The following EXOC6 variants were observed in gnomAD, a reference collection of about 807,000 sequenced individuals.
EXOC6 encodes SEC15-like 1.
In EXOC6, 60 loss-of-function variants were observed where a neutral mutation model predicts 112.5. The observed-to-expected ratio is 0.53, with a 90% confidence interval of 0.43 to 0.66. EXOC6 has a LOEUF of 0.66. Among genes scored for constraint, EXOC6 ranks in the 30% least tolerant of loss-of-function variants. EXOC6 has a pLI of 0.00. For missense variants in EXOC6, 855 were observed against 957.1 expected (o/e 0.89, Z 1.41); for synonymous variants, 295 against 308.0 (o/e 0.96, Z 0.44).
rs147970413 is a variant in EXOC6, at chr10:93,030,537, G to A, written c.2169+16270G>A. On this transcript the variant is annotated intron_variant, in intron 20 of 21. Coordinates refer to ENST00000260762, the MANE Select transcript of EXOC6 (RefSeq NM_019053.6). ...CATGAACAGTAACACAGGATTCCTTGTGAAGAATGAGAAGATTTAATTGAG... is the reference window on the plus strand; with the variant it reads ...CATGAACAGTAACACAGGATTCCTTATGAAGAATGAGAAGATTTAATTGAG... 5.8e-3 allele frequency among the ~76,000 whole-genome samples: 877 copies of A among 152,270 alleles called. 8 individuals are homozygous for A. The highest frequency in any genetic ancestry group is 0.02 in the African/African-American group (818 of 41,558).
At chr10:93,026,262 G>C (rs1367817490) in intron 20 of EXOC6, among the ~76,000 whole-genome samples, 2 of 152,172 alleles carry the variant, frequency 1.3e-5, no homozygotes, top group Admixed American at 6.5e-5. Flanking sequence ...TTACCTAGGA[G>C]TGGAATTGCT....
At chr10:93,014,305 T>C (rs374717204) in intron 20 of EXOC6, 38 bp downstream of exon 20, 1 of 1,506,416 alleles carries the variant, frequency 6.6e-7, no homozygotes, top group Non-Finnish European at 9.2e-7. Flanking sequence ...TGTTGCCCTC[T>C]AACTCTTGCC....
At chr10:92,997,682 G>A in intron 19 of EXOC6, 67 bp downstream of exon 19, 1 of 1,415,520 alleles carries the variant, frequency 7.1e-7, no homozygotes, top group Non-Finnish European at 9.5e-7. Flanking sequence ...ATGAAAAAAT[G>A]TATTTAGCAG....
chr10:92,857,117 G>C (rs1367161537), intron 1 of EXOC6, among the ~76,000 whole-genome samples: 3 of 146,918 alleles, frequency 2.0e-5, no homozygotes, highest in Non-Finnish European at 4.5e-5. Context: ...TACATAGTTG[G>C]ATTCACATCT....
chr10:92,885,635 C>T (rs1057151743), intron 1 of EXOC6, among the ~76,000 whole-genome samples: 3 of 152,186 alleles, frequency 2.0e-5, no homozygotes, highest in African/African-American at 7.2e-5. Flanking sequence ...CCTAAGCCTC[C>T]CAAAGTGCTG....
At chr10:92,913,027 T>C (rs4933752) in intron 6 of EXOC6, among the ~76,000 whole-genome samples, 118,601 of 152,090 alleles carry the variant, frequency 0.78, 47,465 homozygotes, top group East Asian at 1. Flanking sequence ...GCACATCACG[T>C]GCTTTTGGCT....
intron 6 of EXOC6, among the ~76,000 whole-genome samples, chr10:92,911,938 C>CGT (rs72368133): frequency 0.024 from 3,304 of 136,170 alleles, 82 homozygotes; most frequent in African/African-American, 0.069. Context: ...TCTCTGTGTG[C>CGT]GTGTGTGTGT....
intron 17 of EXOC6, among the ~76,000 whole-genome samples, chr10:92,971,611 G>A (rs1842300592): frequency 6.7e-6 from 1 of 150,030 alleles, no homozygotes. Flanking sequence ...CTTGACCTCA[G>A]ATAATCCACC....
chr10:92,932,672 T>C (rs1342497555), intron 9 of EXOC6, among the ~76,000 whole-genome samples: 1 of 151,820 alleles, frequency 6.6e-6, no homozygotes, highest in Non-Finnish European at 1.5e-5. Context: ...ACTAAGGAGA[T>C]CCTAAGGATA....
chr10:92,885,162 C>A (rs571283094), intron 1 of EXOC6, among the ~76,000 whole-genome samples: 1 of 152,028 alleles, frequency 6.6e-6, no homozygotes, highest in Non-Finnish European at 1.5e-5. Context: ...TCAGTTACAG[C>A]GAGTTAACTC....
intron 7 of EXOC6, among the ~76,000 whole-genome samples, chr10:92,918,981 T>G (rs922112086): frequency 6.6e-6 from 1 of 152,214 alleles, no homozygotes; most frequent in African/African-American, 2.4e-5. Context: ...GATTAGTCCC[T>G]TGAAATTATT....
chr10:92,974,705 G>A (rs1218841021), intron 18 of EXOC6, among the ~76,000 whole-genome samples: 1 of 152,202 alleles, frequency 6.6e-6, no homozygotes, highest in African/African-American at 2.4e-5. Flanking sequence ...GCCTGCGATT[G>A]CAGGCGCACG....
In EXOC6 at chr10:92,920,064, A is replaced by G. The variant is rs759436164; in HGVS notation, c.888+14A>G. On this transcript the variant is annotated intron_variant, in intron 8 of 21. Coordinates refer to ENST00000260762, the MANE Select transcript of EXOC6 (RefSeq NM_019053.6). ...TATTCTGTTTTGGTAAGTATGTTTT[A>G]TATTTATGTATATATAGCTTTATAT... The G allele has an allele frequency of 1.3e-6, 2 of 1,486,336 alleles. No homozygotes were observed. The highest frequency in any genetic ancestry group is 3.6e-5 in the Admixed American group (2 of 54,862). The allele number at this position is 1,486,336 out of a possible 1,614,324, so 92.1% of individuals were successfully genotyped here.
chr10:92,974,125 G>C lies in EXOC6; in HGVS notation c.1846G>C (p.Ala616Pro). The change falls in exon 18 of 22, where the codon GCT (alanine) becomes CCT (proline). Residue 616 changes from alanine (A) to proline (P), a missense_variant. Around this residue, in one of 2 missense-constraint regions of EXOC6, gnomAD observed 450 missense variants for 563.5 expected, o/e 0.80. Coordinates refer to ENST00000260762, the MANE Select transcript of EXOC6 (RefSeq NM_019053.6). ...NQKIDEFVQL[A>P]DYDWTMSEPD... Reference sequence around the variant, plus strand: ...AAAAATTGATGAATTTGTTCAGCTTGCTGATTATGACTGGACAATGTCTGA... The same window carrying C: ...AAAAATTGATGAATTTGTTCAGCTTCCTGATTATGACTGGACAATGTCTGA... 6.2e-7 allele frequency: 1 copy of C among 1,604,094 alleles called. No individual in the cohort carries two copies. The highest frequency in any genetic ancestry group is 1.3e-5 in the African/African-American group (1 of 74,524).
intron 11 of EXOC6, among the ~76,000 whole-genome samples, 182 bp from the exon 12 acceptor site, chr10:92,935,632 C>G (rs888669645): frequency 2.0e-5 from 3 of 152,126 alleles, no homozygotes; most frequent in Non-Finnish European, 4.4e-5. Context: ...TGATCTCCCT[C>G]TAAACGTTTA....
upstream of EXOC6, among the ~76,000 whole-genome samples, chr10:92,847,377 A>T (rs150594382): frequency 6.6e-6 from 1 of 152,354 alleles, no homozygotes; most frequent in Non-Finnish European, 1.5e-5. Context: ...ACTGGTCTTC[A>T]GAGCTCATGC....
intron 20 of EXOC6, among the ~76,000 whole-genome samples, chr10:93,034,052 A>G (rs2134303110): frequency 6.6e-6 from 1 of 152,364 alleles, no homozygotes; most frequent in East Asian, 1.9e-4. Context: ...TTCCTGAACT[A>G]TTTCAACTAT....
At chr10:92,951,654 A>G (rs1853425881) in intron 14 of EXOC6, among the ~76,000 whole-genome samples, 1 of 152,184 alleles carries the variant, frequency 6.6e-6, no homozygotes, top group African/African-American at 2.4e-5. Context: ...CAATCTTGGA[A>G]GGAGTTTACC....
chr10:92,964,592 G>A (rs1321992918), intron 17 of EXOC6, among the ~76,000 whole-genome samples: 1 of 152,090 alleles, frequency 6.6e-6, no homozygotes, highest in Admixed American at 6.6e-5. Context: ...AAAATTAAAT[G>A]TAACTTTTTT....
Sources: allele counts gnomAD v4.1 joint callset (sites outside exome capture counted in the v4.1 genomes callset), GRCh38; gene constraint gnomAD v4.1.1; regional missense constraint gnomAD v4.1.1; transcripts MANE v1.5; gene names NCBI Gene and HGNC (gene_info 2026-07-23, HGNC 2026-07-21).